Variants in PTPRN2 observed in about 807,000 individuals in gnomAD.
PTPRN2 encodes receptor-type tyrosine-protein phosphatase N2.
In PTPRN2, 74 loss-of-function variants were observed where a neutral mutation model predicts 118.8. The ratio of observed to expected loss-of-function variants is 0.62; its 90% CI spans 0.52 to 0.76. PTPRN2 has a LOEUF of 0.76. PTPRN2 is among the 30% of genes least tolerant of loss of function. The pLI is 0.00. For synonymous variants in PTPRN2, 641 were observed against 608.0 expected (o/e 1.05, Z -0.80); for missense variants, 1,481 against 1,394.4 (o/e 1.06, Z -0.99).
chr7:157,567,310 C>T (rs1161678337), intron 21 of PTPRN2, among the ~76,000 whole-genome samples: 1 of 152,202 alleles, frequency 6.6e-6, no homozygotes, highest in Non-Finnish European at 1.5e-5. Flanking sequence ...CACATTCCCA[C>T]CACTAAACTA....
intron 19 of PTPRN2, chr7:157,574,460 T>A (rs778489742): frequency 5.7e-6 from 3 of 521,934 alleles, no homozygotes; most frequent in Middle Eastern, 6.4e-4. Flanking sequence ...CGTTTTACCG[T>A]GAGCAGCGTT....
chr7:158,276,560 G>T (rs1301335807), intron 3 of PTPRN2, among the ~76,000 whole-genome samples: 2 of 151,608 alleles, frequency 1.3e-5, no homozygotes, highest in Non-Finnish European at 2.9e-5. Flanking sequence ...CCACACCCTG[G>T]CCCTGGGCAG....
chr7:158,353,750 T>C (rs577373546), intron 2 of PTPRN2, among the ~76,000 whole-genome samples: 3 of 152,256 alleles, frequency 2.0e-5, no homozygotes, highest in South Asian at 4.1e-4. Flanking sequence ...CTGCCTGGCA[T>C]CCAGTACACA....
At chr7:158,344,815 C>T (rs982168181) in intron 2 of PTPRN2, among the ~76,000 whole-genome samples, 3 of 152,312 alleles carry the variant, frequency 2.0e-5, no homozygotes, top group African/African-American at 7.2e-5. Flanking sequence ...GGGACCCTGG[C>T]ACTCCTCTGA....
chr7:157,817,236 G>C (rs958936746), intron 12 of PTPRN2, among the ~76,000 whole-genome samples: 5 of 152,244 alleles, frequency 3.3e-5, no homozygotes, highest in Non-Finnish European at 7.3e-5. Context: ...GCACACGTCT[G>C]GCTCTGCTTC....
intron 1 of PTPRN2, chr7:158,539,928 G>A (rs537751329): frequency 6.5e-4 from 150 of 230,646 alleles, no homozygotes; most frequent in African/African-American, 3.3e-3. Flanking sequence ...CTGTGAGCCT[G>A]GACCTGGTGA....
chr7:158,019,044 G>A (rs920017990), intron 11 of PTPRN2, among the ~76,000 whole-genome samples: 1 of 149,812 alleles, frequency 6.7e-6, no homozygotes, highest in African/African-American at 2.5e-5. Context: ...ACATTAGGAA[G>A]TAGAAACTCA....
intron 11 of PTPRN2, among the ~76,000 whole-genome samples, chr7:158,040,150 A>G (rs200458802): frequency 6.6e-6 from 1 of 152,246 alleles, no homozygotes; most frequent in Non-Finnish European, 1.5e-5. Flanking sequence ...ACATATGCAT[A>G]ATAGGAATAC....
chr7:157,541,089 AGGCAAC>A (rs1325444692), intron 22 of PTPRN2, among the ~76,000 whole-genome samples: 2 of 152,226 alleles, frequency 1.3e-5, no homozygotes, highest in African/African-American at 4.8e-5. Context: ...AGCAGCGAGA[AGGCAAC>A]GGTTCCTGCG....
chr7:158,105,132 C>A (rs1815570574), intron 10 of PTPRN2, among the ~76,000 whole-genome samples: 1 of 151,402 alleles, frequency 6.6e-6, no homozygotes. Flanking sequence ...TACTCCATCC[C>A]AGCTCCATCC....
intron 11 of PTPRN2, among the ~76,000 whole-genome samples, chr7:157,943,785 GA>G (rs1800294450): frequency 2.6e-5 from 4 of 152,130 alleles, no homozygotes; most frequent in Admixed American, 2.6e-4. Context: ...CCATTCCATG[GA>G]AGGCCCGGCT....
At chr7:158,399,603 C>T (rs368071093) in intron 2 of PTPRN2, among the ~76,000 whole-genome samples, 14 of 151,992 alleles carry the variant, frequency 9.2e-5, no homozygotes, top group Admixed American at 2.6e-4. Context: ...CTGCAGTGAG[C>T]TATGATCAAG....
At chr7:158,341,928 C>G (rs1806915295) in intron 2 of PTPRN2, among the ~76,000 whole-genome samples, 1 of 143,890 alleles carries the variant, frequency 6.9e-6, no homozygotes, top group African/African-American at 2.6e-5. Flanking sequence ...GTCACTCACA[C>G]CCACATTCTC....
At chr7:157,996,552 G>T (rs1450270916) in intron 11 of PTPRN2, among the ~76,000 whole-genome samples, 1 of 152,214 alleles carries the variant, frequency 6.6e-6, no homozygotes, top group Non-Finnish European at 1.5e-5. Context: ...GCTCCTGCGT[G>T]CACATGGGGG....
intron 6 of PTPRN2, among the ~76,000 whole-genome samples, chr7:158,149,667 G>T (rs928060268): frequency 1.3e-5 from 2 of 152,108 alleles, no homozygotes; most frequent in Non-Finnish European, 2.9e-5. Context: ...ACCCAGGCGT[G>T]GTGGCGCATG....
chr7:158,528,157 A>G (rs1824931533), intron 1 of PTPRN2, among the ~76,000 whole-genome samples: 1 of 152,244 alleles, frequency 6.6e-6, no homozygotes, highest in Admixed American at 6.5e-5. Context: ...ACAGCTGCCA[A>G]GTAACACATC....
At chr7:158,023,712 T>C (rs1327843238) in intron 11 of PTPRN2, among the ~76,000 whole-genome samples, 1 of 152,116 alleles carries the variant, frequency 6.6e-6, no homozygotes, top group Non-Finnish European at 1.5e-5. Context: ...AGTAAACAAA[T>C]CTTCATGCCC....
At chr7:158,248,176 G>T (rs142958505) in intron 3 of PTPRN2, among the ~76,000 whole-genome samples, 64 of 152,320 alleles carry the variant, frequency 4.2e-4, no homozygotes, top group South Asian at 2.3e-3. Flanking sequence ...GGGTCATGCT[G>T]TCCTTCCAGG....
At chr7:157,749,253 C>A (rs1466057444) in intron 12 of PTPRN2, among the ~76,000 whole-genome samples, 3 of 136,220 alleles carry the variant, frequency 2.2e-5, no homozygotes, top group African/African-American at 8.8e-5. Context: ...GATTCTGAGG[C>A]GTGCGTCCCT....
Sources: allele counts gnomAD v4.1 joint callset (sites outside exome capture counted in the v4.1 genomes callset), GRCh38; gene constraint gnomAD v4.1.1; transcripts MANE v1.5; gene names NCBI Gene and HGNC (gene_info 2026-07-23, HGNC 2026-07-21).